GNAQ: variants seen among roughly 807,000 people sequenced by gnomAD.
GNAQ encodes guanine nucleotide-binding protein G(q) subunit alpha.
A neutral mutation model predicts 43.9 loss-of-function variants in GNAQ; 8 were observed. That is an observed-to-expected ratio of 0.18 (90% CI 0.11 to 0.33). The LOEUF is 0.33. Among genes scored for constraint, GNAQ ranks in the 10% least tolerant of loss-of-function variants. GNAQ has a pLI of 1.00. For missense variants in GNAQ, 158 were observed against 450.8 expected (o/e 0.35, Z 5.88); for synonymous variants, 155 against 170.7 (o/e 0.91, Z 0.71).
intron 2 of GNAQ, among the ~76,000 whole-genome samples, chr9:77,894,392 A>AT (rs1828463897): frequency 4.1e-5 from 3 of 73,740 alleles, no homozygotes; most frequent in African/African-American, 1.3e-4. Context: ...ATAGAAAAAA[A>AT]ATATATATTT....
chr9:78,011,242 A>T (rs1161687946), intron 1 of GNAQ, among the ~76,000 whole-genome samples: 1 of 152,206 alleles, frequency 6.6e-6, no homozygotes, highest in Admixed American at 6.5e-5. Context: ...GAACAGCTAA[A>T]AATAGAATAT....
intron 3 of GNAQ, among the ~76,000 whole-genome samples, chr9:77,813,570 A>C (rs1034161636): frequency 3.3e-5 from 5 of 152,326 alleles, no homozygotes; most frequent in African/African-American, 9.6e-5. Flanking sequence ...ATGTCATCAG[A>C]GATATGATGA....
intron 1 of GNAQ, among the ~76,000 whole-genome samples, chr9:77,963,244 A>T (rs563238590): frequency 6.6e-6 from 1 of 152,356 alleles, no homozygotes; most frequent in South Asian, 2.1e-4. Context: ...GGCCCACAAC[A>T]GCAGACCATC....
At chr9:77,905,429 C>T (rs1587400080) in intron 2 of GNAQ, among the ~76,000 whole-genome samples, 1 of 152,116 alleles carries the variant, frequency 6.6e-6, no homozygotes, top group South Asian at 2.1e-4. Flanking sequence ...TAATTAAGCC[C>T]CCCAGGTGAT....
chr9:77,987,844 A>G (rs1433648124), intron 1 of GNAQ, among the ~76,000 whole-genome samples: 1 of 152,190 alleles, frequency 6.6e-6, no homozygotes, highest in Non-Finnish European at 1.5e-5. Context: ...CAGTGTGGGC[A>G]GCACAGTGAG....
chr9:77,787,333 A>G (rs765622580), intron 5 of GNAQ, among the ~76,000 whole-genome samples: 21 of 152,222 alleles, frequency 1.4e-4, no homozygotes, highest in Admixed American at 1.0e-3. Context: ...GCAGGCATCA[A>G]TGGTCTTGGC....
intron 4 of GNAQ, among the ~76,000 whole-genome samples, chr9:77,796,181 A>G (rs1366813987): frequency 6.6e-6 from 1 of 152,190 alleles, no homozygotes; most frequent in African/African-American, 2.4e-5. Context: ...AATAGTTTCA[A>G]AATGCCACCT....
chr9:77,810,804 G>A (rs1448473383), intron 3 of GNAQ, among the ~76,000 whole-genome samples: 1 of 152,138 alleles, frequency 6.6e-6, no homozygotes, highest in African/African-American at 2.4e-5. Context: ...GAGGGGAGAG[G>A]CACTGTAGTA....
intron 5 of GNAQ, among the ~76,000 whole-genome samples, chr9:77,777,467 C>T (rs1399510823): frequency 1.3e-5 from 2 of 152,002 alleles, no homozygotes; most frequent in Non-Finnish European, 2.9e-5. Flanking sequence ...ACCTAAAGCA[C>T]AAGAACCAAA....
intron 5 of GNAQ, among the ~76,000 whole-genome samples, chr9:77,753,480 C>T (rs1053238152): frequency 2.6e-5 from 4 of 152,224 alleles, no homozygotes; most frequent in Non-Finnish European, 5.9e-5. Flanking sequence ...ATGGATACCA[C>T]TGCCTTTGGA....
At position 77,922,202 on chromosome 9, in the gene GNAQ, T is replaced by C; in HGVS notation, c.280A>G (p.Met94Val). The C allele has an allele frequency of 3.1e-6, 5 of 1,613,884 alleles. No individual in the cohort carries two copies. The highest frequency in any genetic ancestry group is 4.2e-6 in the Non-Finnish European group (5 of 1,179,760). ...FTAMQAMIRA[M>V]DTLKIPYKYE... ...TTGTATGGGATCTTGAGTGTGTCCA[T>C]GGCTCTGATCATGGCCTGCATGGCC... The change falls in exon 2 of 7, where the codon ATG becomes GTG. Residue 94 changes from methionine (M) to valine (V), a missense_variant. Physicochemically the swap from Met to Val is conservative, Grantham distance 21 (BLOSUM62 1). This residue lies in a region of GNAQ where 57 missense variants were observed against 78.2 expected (regional missense o/e 0.73). Transcript: ENST00000286548.
At chr9:77,936,772 G>A (rs992524558) in intron 1 of GNAQ, among the ~76,000 whole-genome samples, 2 of 152,126 alleles carry the variant, frequency 1.3e-5, no homozygotes, top group Non-Finnish European at 2.9e-5. Context: ...GTAGCCTAAC[G>A]CTGACCCTAG....
At chr9:78,022,617 AAG>A (rs1823924930) in intron 1 of GNAQ, among the ~76,000 whole-genome samples, 2 of 152,232 alleles carry the variant, frequency 1.3e-5, no homozygotes, top group South Asian at 4.1e-4. Flanking sequence ...AATATATCAC[AAG>A]AGTTACAGAG....
intron 5 of GNAQ, among the ~76,000 whole-genome samples, chr9:77,731,317 C>T (rs139060247): frequency 1.4e-3 from 209 of 152,280 alleles, no homozygotes; most frequent in African/African-American, 4.6e-3. Context: ...GACTGGAGCC[C>T]GACTGAGCCC....
At chr9:78,026,653 G>A (rs1174358491) in intron 1 of GNAQ, among the ~76,000 whole-genome samples, 1 of 151,830 alleles carries the variant, frequency 6.6e-6, no homozygotes, top group Non-Finnish European at 1.5e-5. Flanking sequence ...GGTTAATTCA[G>A]GCAATCAACA....
At chr9:77,991,835 T>C (rs1823511903) in intron 1 of GNAQ, among the ~76,000 whole-genome samples, 1 of 152,242 alleles carries the variant, frequency 6.6e-6, no homozygotes, top group African/African-American at 2.4e-5. Flanking sequence ...TTTCCATTCC[T>C]GAGTTACTTC....
intron 5 of GNAQ, among the ~76,000 whole-genome samples, chr9:77,757,023 G>A (rs1825914495): frequency 6.6e-6 from 1 of 152,048 alleles, no homozygotes; most frequent in South Asian, 2.1e-4. Context: ...TGGAGCCTTT[G>A]GCATTTACTA....
At chr9:77,960,847 G>A (rs1422334855) in intron 1 of GNAQ, among the ~76,000 whole-genome samples, 2 of 152,090 alleles carry the variant, frequency 1.3e-5, no homozygotes, top group East Asian at 1.9e-4. Context: ...ATCCTTTCCT[G>A]TATTTTTCAT....
intron 2 of GNAQ, among the ~76,000 whole-genome samples, chr9:77,881,604 G>A (rs1828208331): frequency 6.6e-6 from 1 of 152,088 alleles, no homozygotes; most frequent in South Asian, 2.1e-4. Flanking sequence ...GGCTGGCCTT[G>A]AACTCCTGAC....
Sources: allele counts gnomAD v4.1 joint callset (sites outside exome capture counted in the v4.1 genomes callset), GRCh38; gene constraint gnomAD v4.1.1; regional missense constraint gnomAD v4.1.1; transcripts MANE v1.5; gene names NCBI Gene and HGNC (gene_info 2026-07-23, HGNC 2026-07-21).